Variants in SETD5 observed in about 807,000 individuals in gnomAD.
SETD5 encodes the protein SET domain containing 5.
Under a neutral mutation model 153.3 loss-of-function variants are expected in SETD5, and 44 were observed. The observed-to-expected ratio is 0.29, with a 90% CI of 0.23 to 0.37. The LOEUF (loss-of-function observed/expected upper bound fraction) is 0.37. SETD5 is among the 10% of genes least tolerant of loss of function. The pLI is 1.00. For missense variants in SETD5, 1,544 were observed against 1,768.0 expected, an observed-to-expected ratio of 0.87 and a Z score of 2.27; for synonymous variants, 716 against 645.2, an observed-to-expected ratio of 1.11 and a Z score of -1.66.
intron 20 of SETD5, among the ~76,000 whole-genome samples, 183 bp downstream of exon 20, chr3:9,473,720 T>C (rs1404785000): frequency 1.3e-5 from 2 of 152,196 alleles, no homozygotes; most frequent in Non-Finnish European, 2.9e-5. Context: ...CCCCCCAGCT[T>C]TGCAGAATTA....
chr3:9,453,299 A>G (rs1253033963), intron 16 of SETD5, among the ~76,000 whole-genome samples: 2 of 152,066 alleles, frequency 1.3e-5, no homozygotes, highest in Non-Finnish European at 2.9e-5. Context: ...CTTTTTTATT[A>G]CCTCTTCACA....
At chr3:9,407,584 A>G (rs1172252402) in intron 1 of SETD5, among the ~76,000 whole-genome samples, 2 of 152,202 alleles carry the variant, frequency 1.3e-5, no homozygotes, top group African/African-American at 2.4e-5. Flanking sequence ...GAGATGAAAA[A>G]CAATTTTTTT....
chr3:9,471,966 CTA>C (rs1252725877), intron 19 of SETD5, among the ~76,000 whole-genome samples: 1 of 152,038 alleles, frequency 6.6e-6, no homozygotes. Flanking sequence ...GCAAAACTGT[CTA>C]TATTTTTGTT....
At chr3:9,398,131 C>G (rs1440705741) in intron 1 of SETD5, among the ~76,000 whole-genome samples, 154 bp downstream of exon 1, 2 of 151,888 alleles carry the variant, frequency 1.3e-5, no homozygotes, top group African/African-American at 2.4e-5. Flanking sequence ...TCACCCCCCT[C>G]GCCGCCTTGC....
At chr3:9,423,143 G>C (rs1476407305) in intron 1 of SETD5, 1 of 152,228 alleles carries the variant, frequency 6.6e-6, no homozygotes, top group African/African-American at 2.4e-5. Flanking sequence ...TTCTCTGTGA[G>C]TGACCAGGGA....
chr3:9,423,568 A>T (rs2038730183), intron 1 of SETD5, among the ~76,000 whole-genome samples: 1 of 150,078 alleles, frequency 6.7e-6, no homozygotes, highest in African/African-American at 2.5e-5. Flanking sequence ...GATTTACTTT[A>T]TTTCTTCCTT....
chr3:9,424,651 C>T lies in SETD5; in HGVS notation c.-117+125C>T, dbSNP rs186183796. 18 of 152,260 alleles carry T rather than the reference C, an allele frequency of 1.2e-4. No individual in the cohort carries two copies. In the East Asian group the frequency reaches 2.9e-3, roughly 24 times the overall value. The allele number at this position is 152,260 out of a possible 1,614,324, so 9.4% of individuals were successfully genotyped here. A position where few individuals can be genotyped will look rare whatever the true frequency, so the allele number is the denominator to read the frequency against. ...AGCAGATATTTCTGGAACTTCTCTA[C>T]GTGTCAGTTATTGTTTTGGCCATTG... On this transcript the variant is annotated intron_variant, in intron 2 of 22. Transcript: ENST00000402198.
At chr3:9,471,021 C>A in intron 19 of SETD5, 92 bp downstream of exon 19, 1 of 674,528 alleles carries the variant, frequency 1.5e-6, no homozygotes, top group East Asian at 2.7e-5. Context: ...GTGTTCCGCA[C>A]TACTCTCAGA....
At position 9,475,827 on chromosome 3, in the gene SETD5, G is replaced by A. The variant is rs554246026; in HGVS notation, c.4065G>A (p.Ser1355=). The A allele has an allele frequency of 1.6e-4, 254 of 1,613,942 alleles. 3 individuals carry two copies. The South Asian group carries it at 2.2e-3, about 14-fold the overall frequency. Residue 1355 remains serine, a synonymous_variant, in exon 23 of 23, where the codon TCG becomes TCA. Coordinates refer to ENST00000402198, the MANE Select transcript of SETD5 (RefSeq NM_001080517.3). ...CTACCCTGCAGGGACCCTCAGACTC[G>A]CCAACCTCAGATTCAGTTTCTCAGT... ...ASPTLQGPSD[S]PTSDSVSQSS...
intron 17 of SETD5, among the ~76,000 whole-genome samples, chr3:9,463,866 G>A (rs1328533974): frequency 2.0e-5 from 3 of 152,210 alleles, no homozygotes; most frequent in Admixed American, 6.5e-5. Flanking sequence ...AGTGGCTCAC[G>A]CCTGTAATCC....
intron 1 of SETD5, chr3:9,398,329 C>T (rs1484847236): frequency 6.6e-6 from 1 of 152,052 alleles, no homozygotes; most frequent in African/African-American, 2.4e-5. Flanking sequence ...TCTTGCTGCC[C>T]TCCGCTCGAA....
At chr3:9,446,256 C>T (rs1368764690) in intron 13 of SETD5, among the ~76,000 whole-genome samples, 3 of 120,386 alleles carry the variant, frequency 2.5e-5, no homozygotes, top group Non-Finnish European at 1.6e-5. Flanking sequence ...CACTGCACTC[C>T]GGCCTGGGCA....
Position 9,434,007 on chromosome 3 carries a change from C to T in SETD5, c.177+57C>T. ...TGATCTTCCTGGAGTGTAATCCATT[C>T]TTATACATTGTGACTTTCTTGAAAT... On this transcript the variant is annotated intron_variant, in intron 4 of 22. Coordinates refer to ENST00000402198, the MANE Select transcript of SETD5 (RefSeq NM_001080517.3). This position sits in a 1 kb window ranked among gnomAD's most constrained non-coding sequence, Gnocchi z 5.6. The T allele has an allele frequency of 6.2e-7, 1 of 1,613,060 alleles. No homozygotes were observed. Among genetic ancestry groups the T allele is most frequent in the Non-Finnish European group, 8.5e-7 (1 of 1,179,558 alleles).
In SETD5 at chr3:9,453,719, C is replaced by T. The variant is rs761931377; in HGVS notation, c.2347-20C>T. 1 of 1,567,336 alleles carries T rather than the reference C, an allele frequency of 6.4e-7. No individual in the cohort carries two copies. Among genetic ancestry groups the T allele is most frequent in the Admixed American group, 2.2e-5 (1 of 46,104 alleles). On this transcript the variant is annotated intron_variant, in intron 16 of 22. Coordinates refer to ENST00000402198, the MANE Select transcript of SETD5 (RefSeq NM_001080517.3). ...GTTTTAGATAATTATTGATAATTCT[C>T]TGGTTCTTTTCAATTATAGCGCTGG...
chr3:9,472,310 GT>G (rs1056285248), intron 19 of SETD5, among the ~76,000 whole-genome samples: 1 of 152,110 alleles, frequency 6.6e-6, no homozygotes, highest in Non-Finnish European at 1.5e-5. Flanking sequence ...AGAACTTATA[GT>G]TTAGTCAGGG....
At chr3:9,433,670 CCTA>C (rs1246885610) in intron 3 of SETD5, 172 bp from the exon 4 acceptor site, 2 of 848,216 alleles carry the variant, frequency 2.4e-6, no homozygotes, top group Non-Finnish European at 3.5e-6. Flanking sequence ...TAATAACACT[CCTA>C]CTGTTATTTA....
At chr3:9,402,198 G>A (rs1474332507) in intron 1 of SETD5, among the ~76,000 whole-genome samples, 6 of 152,190 alleles carry the variant, frequency 3.9e-5, no homozygotes, top group Admixed American at 3.3e-4. Context: ...AAGATACCCA[G>A]TAACTTTGGG....
chr3:9,424,634 T>C (rs2038880446), intron 2 of SETD5, 108 bp downstream of exon 2: 1 of 152,232 alleles, frequency 6.6e-6, no homozygotes, highest in African/African-American at 2.4e-5. Context: ...TTAGCAGATA[T>C]TTCTGGAACT....
At chr3:9,474,387 TAG>T in intron 20 of SETD5, 60 bp from the exon 21 acceptor site, 1 of 1,587,750 alleles carries the variant, frequency 6.3e-7, no homozygotes. Flanking sequence ...GTGCACTGGT[TAG>T]GGCTTCATTT....
Sources: gnomAD v4.1 joint callset for allele counts (sites outside exome capture counted in the v4.1 genomes callset) on GRCh38, gnomAD v4.1.1 for gene constraint, Gnocchi (gnomAD v3.1) non-coding constraint, MANE v1.5 for transcripts, NCBI Gene and HGNC (gene_info 2026-07-23, HGNC 2026-07-21) for gene names.